ATOSB: variants seen among roughly 807,000 people sequenced by gnomAD.
The protein encoded by ATOSB is atos homolog B.
the ATOSB span, among the ~76,000 whole-genome samples, chr9:35,112,123 G>T: frequency 1.3e-5 from 2 of 152,210 alleles, no homozygotes; most frequent in Admixed American, 1.3e-4. Flanking sequence ...AGAAGAAAAA[G>T]GCCTGAGGTG....
At chr9:35,104,669 G>A in the ATOSB span, 3 of 400,248 alleles carry the variant, frequency 7.5e-6, no homozygotes, top group African/African-American at 4.3e-5. Context: ...AGGGGAAGCT[G>A]AGTCTTTGGC....
chr9:35,107,896 C>T, the ATOSB span: 9 of 1,594,574 alleles, frequency 5.6e-6, no homozygotes, highest in African/African-American at 9.4e-5. Context: ...CTTCTCTGTT[C>T]CACAACACAG....
At chr9:35,106,280 G>T in the ATOSB span, 1 of 1,614,090 alleles carries the variant, frequency 6.2e-7, no homozygotes, top group Non-Finnish European at 8.5e-7. This position sits in a 1 kb window ranked among gnomAD's most constrained non-coding sequence, Gnocchi z 4.6. Flanking sequence ...ATTTTGCTCA[G>T]AAACATCAAA....
chr9:35,108,436 A>G, the ATOSB span: 1 of 1,392,490 alleles, frequency 7.2e-7, no homozygotes, highest in Non-Finnish European at 9.3e-7. Flanking sequence ...CTCCTTGCCT[A>G]AAGGGGTGAC....
At chr9:35,107,721 G>T in the ATOSB span, 1 of 1,599,168 alleles carries the variant, frequency 6.3e-7, no homozygotes, top group South Asian at 1.1e-5. Context: ...AGTGTCAAGT[G>T]TGTGCAGCTG....
the ATOSB span, chr9:35,105,344 G>C: frequency 6.2e-7 from 1 of 1,613,746 alleles, no homozygotes; most frequent in Non-Finnish European, 8.5e-7. This position sits in a 1 kb window ranked among gnomAD's most constrained non-coding sequence, Gnocchi z 5.5. Context: ...CTCCATGCAG[G>C]CTTAAGCGGC....
chr9:35,108,507 G>A, the ATOSB span: 16 of 1,247,042 alleles, frequency 1.3e-5, no homozygotes, highest in East Asian at 6.4e-5. Flanking sequence ...GGAATATAGA[G>A]ACCACTCTCA....
the ATOSB span, among the ~76,000 whole-genome samples, chr9:35,112,593 GC>G: frequency 6.6e-6 from 1 of 152,188 alleles, no homozygotes; most frequent in Non-Finnish European, 1.5e-5. Context: ...CAAGGATTGA[GC>G]ATTCAAAGAC....
chr9:35,107,690 T>C, the ATOSB span: 1 of 1,609,236 alleles, frequency 6.2e-7, no homozygotes, highest in South Asian at 1.1e-5. Context: ...TACCCCCTAT[T>C]TGTGCAAGAC....
the ATOSB span, among the ~76,000 whole-genome samples, chr9:35,112,619 A>C: frequency 6.6e-6 from 1 of 152,116 alleles, no homozygotes; most frequent in Non-Finnish European, 1.5e-5. Context: ...TCTAGAGGGT[A>C]CTCTAGAGGT....
chr9:35,107,439 T>C, the ATOSB span: 1 of 1,613,336 alleles, frequency 6.2e-7, no homozygotes, highest in Admixed American at 1.7e-5. Context: ...GGCTTTGGCA[T>C]CAGAACTGTT....
At chr9:35,107,881 C>T in the ATOSB span, 2 of 1,593,674 alleles carry the variant, frequency 1.3e-6, no homozygotes, top group Non-Finnish European at 1.7e-6. Flanking sequence ...GATGAGGTGA[C>T]ACTACTTCTC....
At chr9:35,106,814 GA>G in the ATOSB span, 2 of 1,561,538 alleles carry the variant, frequency 1.3e-6, no homozygotes, top group Admixed American at 1.9e-5. The surrounding 1 kb of genome is among the most constrained non-coding windows in gnomAD (Gnocchi z 4.6). Context: ...CAGGGTAGAG[GA>G]AAAAGCTGGT....
At chr9:35,107,930 G>C in the ATOSB span, 1 of 1,601,142 alleles carries the variant, frequency 6.2e-7, no homozygotes, top group Non-Finnish European at 8.5e-7. Context: ...AGAAATGCTG[G>C]CTGGCCACAC....
the ATOSB span, chr9:35,110,145 C>A: frequency 6.6e-6 from 1 of 152,196 alleles, no homozygotes; most frequent in African/African-American, 2.4e-5. Context: ...TCACCAAATT[C>A]TCCTAAGAAT....
the ATOSB span, chr9:35,107,359 A>T: frequency 7.6e-6 from 12 of 1,588,298 alleles, 1 homozygote; most frequent in South Asian, 1.2e-4. Flanking sequence ...AAAAGAGTAA[A>T]TGAGGTCCTT....
chr9:35,108,567 CT>C, the ATOSB span: 1 of 1,203,966 alleles, frequency 8.3e-7, no homozygotes, highest in Admixed American at 4.2e-5. Context: ...ACTGGACACA[CT>C]TCCCCCTCTT....
the ATOSB span, chr9:35,107,770 C>G: frequency 6.4e-7 from 1 of 1,561,186 alleles, no homozygotes; most frequent in African/African-American, 1.4e-5. Flanking sequence ...CCCAGGGACC[C>G]CTGTCCCCCT....
At chr9:35,113,495 G>A in the ATOSB span, among the ~76,000 whole-genome samples, 2 of 152,030 alleles carry the variant, frequency 1.3e-5, no homozygotes, top group East Asian at 1.9e-4. Flanking sequence ...GTGGTGGCGC[G>A]CACCTGTAAT....
Sources: gnomAD v4.1 joint callset for allele counts (sites outside exome capture counted in the v4.1 genomes callset) on GRCh38, gnomAD v4.1.1 for gene constraint, Gnocchi (gnomAD v3.1) non-coding constraint, MANE v1.5 for transcripts, NCBI Gene and HGNC (gene_info 2026-07-23, HGNC 2026-07-21) for gene names.